The following ZP3 variants were observed in gnomAD, a reference collection of about 807,000 sequenced individuals.
ZP3 encodes the protein zona pellucida glycoprotein 3.
A neutral mutation model predicts 35.6 loss-of-function variants in ZP3; 21 were observed. That is an observed-to-expected ratio of 0.59 (90% CI 0.42 to 0.85). ZP3 has a LOEUF of 0.85. Ranked by LOEUF, ZP3 falls within the 40% of genes least tolerant of loss-of-function variation. ZP3 has a pLI of 0.00. For missense variants in ZP3, 437 were observed against 536.5 expected (o/e 0.81, Z 1.83); for synonymous variants, 207 against 214.5 (o/e 0.96, Z 0.31).
chr7:76,401,364 C>T (rs1804823961), intron 1 of ZP3, among the ~76,000 whole-genome samples: 1 of 152,148 alleles, frequency 6.6e-6, no homozygotes, highest in African/African-American at 2.4e-5. Flanking sequence ...TGAGCTTTCA[C>T]TACAAAACCT....
intron 1 of ZP3, chr7:76,428,671 GGTT>G (rs2115897236): frequency 1.3e-5 from 2 of 152,416 alleles, no homozygotes; most frequent in South Asian, 4.1e-4. Context: ...AGCTGATGTG[GGTT>G]GTTGTGTTTT....
At chr7:76,413,136 T>C (rs1361191996) in intron 1 of ZP3, among the ~76,000 whole-genome samples, 3 of 151,692 alleles carry the variant, frequency 2.0e-5, no homozygotes, top group African/African-American at 7.3e-5. Context: ...CTAATTGTTC[T>C]ATTTTTAGTA....
chr7:76,405,091 T>G (rs1405650176), intron 1 of ZP3, among the ~76,000 whole-genome samples: 2 of 149,406 alleles, frequency 1.3e-5, no homozygotes, highest in Admixed American at 1.3e-4. Context: ...AATTAAATTT[T>G]AAAAATACAA....
chr7:76,437,908 C>T (rs1306016034), intron 5 of ZP3, among the ~76,000 whole-genome samples: 7 of 152,356 alleles, frequency 4.6e-5, no homozygotes, highest in South Asian at 2.1e-4. Flanking sequence ...AGTACATTTC[C>T]TTTGTGGAAT....
chr7:76,440,148 C>G (rs1806152416), intron 5 of ZP3, 102 bp from the exon 6 acceptor site: 1 of 1,477,652 alleles, frequency 6.8e-7, no homozygotes, highest in African/African-American at 1.4e-5. Flanking sequence ...CACCCGGCCC[C>G]TTCTCACTCT....
chr7:76,440,330 G>T lies in ZP3; in HGVS notation c.912G>T (p.Lys304Asn), dbSNP rs772339909. 1 of 1,607,214 alleles carries T rather than the reference G, an allele frequency of 6.2e-7. No homozygotes were observed. Among genetic ancestry groups the T allele is most frequent in the Admixed American group, 1.7e-5 (1 of 59,258 alleles). Residue 304 changes from lysine to asparagine, a missense_variant, in exon 6 of 8, where the codon AAG becomes AAT. Lys to Asn is a moderately conservative substitution (Grantham distance 94). This residue lies in a region of ZP3 where 26 missense variants were observed against 78.2 expected (regional missense o/e 0.33). Transcript: ENST00000394857. ...DELNKACSFS[K>N]PSNSWFPVEG... ...TCAACAAGGCCTGTTCCTTCAGCAA[G>T]CCTTCCAACAGGTGAGGAGGACAGG...
chr7:76,435,251 C>G (rs1805957902), intron 5 of ZP3, among the ~76,000 whole-genome samples: 1 of 152,278 alleles, frequency 6.6e-6, no homozygotes, highest in Non-Finnish European at 1.5e-5. Flanking sequence ...TTCCCAGGTG[C>G]AAGTGATTCT....
intron 1 of ZP3, among the ~76,000 whole-genome samples, chr7:76,413,740 C>A (rs1415466597): frequency 6.6e-6 from 1 of 152,026 alleles, no homozygotes; most frequent in East Asian, 1.9e-4. Flanking sequence ...GATCATAGCT[C>A]ATTGCAGTTG....
intron 1 of ZP3, chr7:76,400,407 G>C (rs759473168): frequency 1.2e-6 from 2 of 1,603,672 alleles, no homozygotes; most frequent in Admixed American, 3.4e-5. Context: ...GCAGGATGGG[G>C]CCTCGGCCTT....
At chr7:76,436,835 A>G (rs1265273866) in intron 5 of ZP3, among the ~76,000 whole-genome samples, 4 of 152,270 alleles carry the variant, frequency 2.6e-5, no homozygotes, top group African/African-American at 9.6e-5. Context: ...CAGAGGTGGT[A>G]GCGGTCAGCA....
At position 76,439,948 on chromosome 7, in the gene ZP3, A is replaced by G; in HGVS notation, c.832-302A>G. On this transcript the variant is annotated intron_variant, in intron 5 of 7. Transcript: ENST00000394857. ...CTGCAACTTCTGCCTCCCAGGTTCC[A>G]GTGATTCTCCTGCCTCAGCCTTCCA... The G allele has an allele frequency of 9.7e-6, 3 of 309,692 alleles. No individual in the cohort carries two copies. The South Asian group carries it at 1.2e-4, about 13-fold the overall frequency. The allele number at this position is 309,692 out of a possible 1,614,324, so 19.2% of individuals were successfully genotyped here. A position where few individuals can be genotyped will look rare whatever the true frequency, so the allele number is the denominator to read the frequency against.
intron 1 of ZP3, among the ~76,000 whole-genome samples, chr7:76,426,907 C>CACACACACACACACACAAAA (rs57796274): frequency 7.9e-6 from 1 of 126,870 alleles, no homozygotes; most frequent in African/African-American, 3.1e-5. Context: ...CACACACACA[C>CACACACACACACACACAAAA]AATAGGGTGT....
chr7:76,440,675 C>T lies in ZP3; in HGVS notation c.1060+64C>T, dbSNP rs146858559. 6.3e-3 allele frequency: 9,807 copies of T among 1,545,998 alleles called. 470 individuals are homozygous for T. The East Asian group carries it at 0.12, about 19-fold the overall frequency. On this transcript the variant is annotated intron_variant, in intron 7 of 7. Transcript: ENST00000394857. ...TTACTCAGTTGAGGGTACCTGCTGT[C>T]ATTTCAGGGTGATGGTATTTTCCCT...
intron 1 of ZP3, chr7:76,404,215 C>A (rs1804925135): frequency 2.1e-6 from 3 of 1,433,124 alleles, no homozygotes; most frequent in South Asian, 3.0e-5. Context: ...GGAACGAGCT[C>A]ATTCACAACC....
intron 1 of ZP3, among the ~76,000 whole-genome samples, chr7:76,406,048 C>T (rs1385588908): frequency 6.6e-6 from 1 of 151,712 alleles, no homozygotes; most frequent in Non-Finnish European, 1.5e-5. Context: ...TGCAATGGTG[C>T]GATCTCCGTT....
intron 1 of ZP3, among the ~76,000 whole-genome samples, chr7:76,426,907 C>CACACACACACACACACACACACACA (rs57796274): frequency 1.9e-4 from 24 of 126,912 alleles, no homozygotes; most frequent in Non-Finnish European, 3.1e-4. Context: ...CACACACACA[C>CACACACACACACACACACACACACA]AATAGGGTGT....
intron 2 of ZP3, among the ~76,000 whole-genome samples, chr7:76,432,259 G>A (rs915271249): frequency 2.0e-5 from 3 of 151,756 alleles, no homozygotes; most frequent in African/African-American, 7.3e-5. Flanking sequence ...TGTGATCTCA[G>A]CTCACTGCAA....
Position 76,425,241 on chromosome 7 carries a change from G to T in ZP3, c.277G>T (p.Glu93Ter). 6.2e-7 allele frequency: 1 copy of T among 1,612,744 alleles called. No homozygotes were observed. Residue 93 changes from glutamate to a stop codon, truncating the protein, a stop_gained, in exon 1 of 8, where the codon GAG becomes TAG. Coordinates refer to ENST00000394857, the MANE Select transcript of ZP3 (RefSeq NM_001110354.2). LOFTEE classifies it high-confidence loss of function. ...SMDTEDVVRFEVGLHECGNSM... is the reference protein window; with the variant it reads ...SMDTEDVVRF ...GGACACAGAAGATGTGGTCAGGTTTGAGGTTGGACTCCACGAGTGTGGCAA... is the reference window on the plus strand; with the variant it reads ...GGACACAGAAGATGTGGTCAGGTTTTAGGTTGGACTCCACGAGTGTGGCAA...
chr7:76,430,482 T>C (rs1174593362), intron 2 of ZP3, among the ~76,000 whole-genome samples: 1 of 152,116 alleles, frequency 6.6e-6, no homozygotes, highest in South Asian at 2.1e-4. Flanking sequence ...ACGCCTGTAA[T>C]ACCAGCCCTT....
Sources: allele counts gnomAD v4.1 joint callset (sites outside exome capture counted in the v4.1 genomes callset), GRCh38; gene constraint gnomAD v4.1.1; regional missense constraint gnomAD v4.1.1; transcripts MANE v1.5; gene names NCBI Gene and HGNC (gene_info 2026-07-23, HGNC 2026-07-21).